PTN: variants seen among roughly 807,000 people sequenced by gnomAD.
PTN encodes the protein pleiotrophin.
In PTN, 18 loss-of-function variants were observed where a neutral mutation model predicts 24.1. That is an observed-to-expected ratio of 0.75 (90% CI 0.52 to 1.11). The LOEUF (loss-of-function observed/expected upper bound fraction) is 1.11, where lower values mean the gene tolerates loss of function less well. Ranked by LOEUF, PTN falls within the 50% of genes least tolerant of loss-of-function variation. The pLI is 0.00. For missense variants in PTN, 163 were observed against 198.8 expected (o/e 0.82, Z 1.08); for synonymous variants, 78 against 68.6 (o/e 1.14, Z -0.67).
Position 137,288,153 on chromosome 7 carries a change from T to C in PTN, c.-1-33179A>G, listed in dbSNP as rs1242371342. 5.9e-5 allele frequency among the ~76,000 whole-genome samples: 9 copies of C among 152,272 alleles called. No individual in the cohort carries two copies. In the East Asian group the frequency reaches 1.5e-3, roughly 26 times the overall value. ...GGATTCAGCAAAGTTCATATTATAA[T>C]AGTTTAGTGAGATGAAGGTCTCAAA... On this transcript the variant is annotated intron_variant, in intron 1 of 4. Transcript: ENST00000348225.
intron 1 of PTN, among the ~76,000 whole-genome samples, chr7:137,289,037 T>C (rs911759546): frequency 1.3e-5 from 2 of 152,222 alleles, no homozygotes; most frequent in Non-Finnish European, 2.9e-5. Context: ...CATAGTCTTA[T>C]TTAATCATCG....
At chr7:137,248,273 C>T (rs1424217156) in intron 4 of PTN, among the ~76,000 whole-genome samples, 2 of 152,152 alleles carry the variant, frequency 1.3e-5, no homozygotes, top group Admixed American at 1.3e-4. Flanking sequence ...CCACTCGTTA[C>T]ATTTTGGTTT....
chr7:137,257,986 C>T (rs934872268), intron 1 of PTN, among the ~76,000 whole-genome samples: 6 of 152,178 alleles, frequency 3.9e-5, no homozygotes, highest in African/African-American at 1.2e-4. Context: ...CACACATATA[C>T]ACACACATGC....
At chr7:137,296,592 G>T (rs562444727) in intron 1 of PTN, among the ~76,000 whole-genome samples, 16 of 152,118 alleles carry the variant, frequency 1.1e-4, no homozygotes, top group African/African-American at 2.9e-4. Context: ...GATTAAAAAT[G>T]AAACCCTCAC....
At chr7:137,272,500 C>T (rs1809291332) in intron 1 of PTN, among the ~76,000 whole-genome samples, 1 of 152,168 alleles carries the variant, frequency 6.6e-6, no homozygotes, top group Non-Finnish European at 1.5e-5. Flanking sequence ...CACATTGTGC[C>T]ACATCCATTC....
At chr7:137,246,702 G>GCT (rs1381728964) in intron 4 of PTN, among the ~76,000 whole-genome samples, 2 of 152,090 alleles carry the variant, frequency 1.3e-5, no homozygotes, top group Non-Finnish European at 2.9e-5. Flanking sequence ...CAGACATTAG[G>GCT]CAAGGTCCCC....
At position 137,343,585 on chromosome 7, in the gene PTN, G is replaced by T. The variant is rs766694504; in HGVS notation, c.-148C>A. 5.8e-6 allele frequency: 3 copies of T among 518,930 alleles called. No individual in the cohort carries two copies. Among genetic ancestry groups the T allele is most frequent in the South Asian group, 4.2e-5 (3 of 71,578 alleles). 32.1% of individuals were successfully genotyped at this position (518,930 alleles called of 1,614,324 possible). ...CCGCCTTCTGGACGGATGACTCACT[G>T]GTCTCTTTCTTCCCCTCTCTCCACT... On this transcript the variant is annotated 5_prime_UTR_variant, in exon 1 of 5. Transcript: ENST00000348225.
intron 1 of PTN, among the ~76,000 whole-genome samples, chr7:137,319,413 C>T (rs1407941444): frequency 6.6e-6 from 1 of 152,174 alleles, no homozygotes; most frequent in Non-Finnish European, 1.5e-5. Flanking sequence ...GACTTTAATA[C>T]CCACAACCCG....
intron 1 of PTN, among the ~76,000 whole-genome samples, chr7:137,265,375 C>T (rs946133466): frequency 9.2e-5 from 14 of 152,142 alleles, no homozygotes; most frequent in African/African-American, 3.1e-4. Flanking sequence ...CGGCAGAGTG[C>T]CCAGTAAAGG....
At chr7:137,319,519 C>G (rs1416139849) in intron 1 of PTN, among the ~76,000 whole-genome samples, 1 of 152,182 alleles carries the variant, frequency 6.6e-6, no homozygotes, top group Non-Finnish European at 1.5e-5. Flanking sequence ...TCACCAAGAC[C>G]ACAGTCCTCC....
chr7:137,338,767 G>T (rs747268579), intron 1 of PTN, among the ~76,000 whole-genome samples: 10 of 152,150 alleles, frequency 6.6e-5, no homozygotes, highest in Non-Finnish European at 1.3e-4. Flanking sequence ...ATAACAGGAA[G>T]TCCTTTACTT....
In PTN at chr7:137,308,917, T is replaced by C. The variant is rs73163700; in HGVS notation, c.-2+34522A>G. ...ATGAAAATTAAGTTACCTCTAAACCTAACAGGTTCACTTATTCTACCAGTT... is the reference window on the plus strand; with the variant it reads ...ATGAAAATTAAGTTACCTCTAAACCCAACAGGTTCACTTATTCTACCAGTT... On this transcript the variant is annotated intron_variant, in intron 1 of 4. Coordinates refer to ENST00000348225, the MANE Select transcript of PTN (RefSeq NM_002825.7). 5.8e-3 allele frequency among the ~76,000 whole-genome samples: 880 copies of C among 152,290 alleles called. 6 individuals are homozygous for C. The highest frequency in any genetic ancestry group is 8.7e-3 in the Non-Finnish European group (595 of 68,014).
intron 1 of PTN, among the ~76,000 whole-genome samples, chr7:137,269,876 C>G (rs1809245427): frequency 1.3e-5 from 2 of 152,024 alleles, no homozygotes; most frequent in Non-Finnish European, 1.5e-5. Context: ...CGTGAGCCTC[C>G]CACCTCTCCC....
chr7:137,268,278 C>T (rs1371723945), intron 1 of PTN, among the ~76,000 whole-genome samples: 2 of 152,110 alleles, frequency 1.3e-5, no homozygotes, highest in African/African-American at 4.8e-5. Flanking sequence ...TTCCACAGGG[C>T]AGGCTAAAGC....
chr7:137,311,933 G>T (rs1379295170), intron 1 of PTN, among the ~76,000 whole-genome samples: 2 of 128,684 alleles, frequency 1.6e-5, no homozygotes, highest in Non-Finnish European at 2.9e-5. Flanking sequence ...TCAATGCAGG[G>T]TTACCACAGA....
chr7:137,308,093 T>C (rs563405827), intron 1 of PTN, among the ~76,000 whole-genome samples: 1 of 152,304 alleles, frequency 6.6e-6, no homozygotes, highest in South Asian at 2.1e-4. Flanking sequence ...AATCTTACTC[T>C]TTCTGACTTG....
intron 1 of PTN, among the ~76,000 whole-genome samples, chr7:137,322,072 C>T (rs1202698824): frequency 6.6e-6 from 1 of 152,164 alleles, no homozygotes. Context: ...ACCACCACCC[C>T]TCCTTCCCTC....
intron 1 of PTN, among the ~76,000 whole-genome samples, chr7:137,298,760 T>A (rs1365042177): frequency 6.6e-6 from 1 of 152,056 alleles, no homozygotes; most frequent in Non-Finnish European, 1.5e-5. Flanking sequence ...TAGGGTTTCC[T>A]GCCAGGAATT....
intron 1 of PTN, among the ~76,000 whole-genome samples, chr7:137,332,059 G>T (rs576000304): frequency 1.3e-5 from 2 of 152,226 alleles, no homozygotes; most frequent in South Asian, 4.1e-4. Context: ...TAAATAAATT[G>T]AATTTCCATC....
Sources: gnomAD v4.1 joint callset for allele counts (sites outside exome capture counted in the v4.1 genomes callset) on GRCh38, gnomAD v4.1.1 for gene constraint, MANE v1.5 for transcripts, NCBI Gene and HGNC (gene_info 2026-07-23, HGNC 2026-07-21) for gene names.